The following LRFN5 variants were observed in gnomAD, a reference collection of about 807,000 sequenced individuals.
LRFN5 encodes the protein leucine rich repeat and fibronectin type III domain containing 5.
A neutral mutation model predicts 45.6 loss-of-function variants in LRFN5; 24 were observed. The observed-to-expected ratio is 0.53, with a 90% CI of 0.38 to 0.74. The LOEUF (loss-of-function observed/expected upper bound fraction) is 0.74. Ranked by LOEUF, LRFN5 falls within the 30% of genes least tolerant of loss-of-function variation. LRFN5 has a pLI of 0.00. For missense variants in LRFN5, 776 were observed against 861.5 expected, an observed-to-expected ratio of 0.90 and a Z score of 1.24; for synonymous variants, 340 against 313.8, an observed-to-expected ratio of 1.08 and a Z score of -0.88.
chr14:41,777,456 C>T (rs1886331683), intron 2 of LRFN5, among the ~76,000 whole-genome samples: 1 of 151,566 alleles, frequency 6.6e-6, no homozygotes, highest in African/African-American at 2.4e-5. Flanking sequence ...TACATTTTTA[C>T]ATTGATTTGT....
Position 41,894,992 on chromosome 14 carries a change from C to T in LRFN5, c.2098+3030C>T, listed in dbSNP as rs181591886. ...TACATATATATTATTTTTGCTTCCT[C>T]GTTCTTATTTTTCTTTTATTTTTGT... On this transcript the variant is annotated intron_variant, in intron 4 of 5. Transcript: ENST00000298119. The T allele has an allele frequency of 1.7e-4, 171 of 978,628 alleles. No individual in the cohort carries two copies. In the African/African-American group the frequency reaches 2.5e-3, roughly 14 times the overall value. 60.6% of individuals were successfully genotyped at this position (978,628 alleles called of 1,614,324 possible).
At chr14:41,779,407 T>G (rs911321796) in intron 2 of LRFN5, among the ~76,000 whole-genome samples, 1 of 151,864 alleles carries the variant, frequency 6.6e-6, no homozygotes, top group African/African-American at 2.4e-5. Context: ...GGATCTATGT[T>G]AAAGAGAGCA....
intron 2 of LRFN5, among the ~76,000 whole-genome samples, chr14:41,880,780 G>A (rs905821176): frequency 4.6e-5 from 7 of 151,896 alleles, no homozygotes; most frequent in Admixed American, 2.0e-4. Context: ...TTTTCCTATC[G>A]TGTCATTTCA....
intron 1 of LRFN5, among the ~76,000 whole-genome samples, chr14:41,664,682 A>G (rs1417936330): frequency 6.6e-6 from 1 of 152,048 alleles, no homozygotes; most frequent in Non-Finnish European, 1.5e-5. Context: ...TGAAAAATAA[A>G]TAAAATTTCC....
chr14:41,738,554 A>T (rs1037615910), intron 1 of LRFN5, among the ~76,000 whole-genome samples: 2 of 152,162 alleles, frequency 1.3e-5, no homozygotes, highest in Admixed American at 1.3e-4. Context: ...TCTTTGTCAG[A>T]AGTTGTTTTC....
chr14:41,713,866 G>C (rs1330024184), intron 1 of LRFN5, among the ~76,000 whole-genome samples: 1 of 152,032 alleles, frequency 6.6e-6, no homozygotes, highest in South Asian at 2.1e-4. Context: ...TCAGTTGTAG[G>C]AATGTAATAA....
At chr14:41,688,849 A>AT (rs1195545357) in intron 1 of LRFN5, among the ~76,000 whole-genome samples, 8 of 150,284 alleles carry the variant, frequency 5.3e-5, no homozygotes, top group Non-Finnish European at 1.0e-4. Context: ...AGGCAGAAGG[A>AT]TCTCTTGAGG....
rs185095215 is a variant in LRFN5 at position 41,693,043 on chromosome 14, A to G, written c.-196-73811A>G. 1.7e-4 allele frequency among the ~76,000 whole-genome samples: 26 copies of G among 152,174 alleles called. No homozygotes were observed. The East Asian group carries it at 4.2e-3, about 25-fold the overall frequency. On this transcript the variant is annotated intron_variant, in intron 1 of 5. Transcript: ENST00000298119. ...TAACTTTGTTAAGTATCAATTAACT[A>G]TATGTGTGTGCATTTATTTGTGGAC... is the stretch of plus-strand genomic sequence containing the variant.
At chr14:41,758,417 A>G (rs1176285831) in intron 1 of LRFN5, among the ~76,000 whole-genome samples, 3 of 152,178 alleles carry the variant, frequency 2.0e-5, no homozygotes, top group Admixed American at 1.3e-4. Context: ...CCTTGCCTGT[A>G]CTTTAATAGT....
intron 1 of LRFN5, among the ~76,000 whole-genome samples, chr14:41,684,428 A>G (rs974198919): frequency 6.6e-6 from 1 of 152,176 alleles, no homozygotes; most frequent in African/African-American, 2.4e-5. Context: ...CCTTCTTTAT[A>G]AGGCAGCAGG....
chr14:41,735,525 GCCCC>G (rs970630519), intron 1 of LRFN5, among the ~76,000 whole-genome samples: 2 of 152,060 alleles, frequency 1.3e-5, no homozygotes, highest in African/African-American at 4.8e-5. Context: ...TTCTGCGTCA[GCCCC>G]CCCACGTGCT....
intron 2 of LRFN5, among the ~76,000 whole-genome samples, chr14:41,872,208 T>A (rs945244423): frequency 6.6e-6 from 1 of 152,242 alleles, no homozygotes; most frequent in African/African-American, 2.4e-5. Context: ...AACTTCTCAA[T>A]TAGTAGATAA....
chr14:41,832,705 C>T (rs767669432), intron 2 of LRFN5, among the ~76,000 whole-genome samples: 1 of 152,154 alleles, frequency 6.6e-6, no homozygotes, highest in South Asian at 2.1e-4. Flanking sequence ...CTGGACCTCT[C>T]ACATACTGTA....
chr14:41,761,793 G>A (rs533797981), intron 1 of LRFN5, among the ~76,000 whole-genome samples: 4 of 151,994 alleles, frequency 2.6e-5, no homozygotes, highest in Non-Finnish European at 4.4e-5. Flanking sequence ...TATTATTTTG[G>A]ATTATTTTGA....
At chr14:41,708,442 T>A (rs1883152740) in intron 1 of LRFN5, among the ~76,000 whole-genome samples, 1 of 152,010 alleles carries the variant, frequency 6.6e-6, no homozygotes, top group South Asian at 2.1e-4. Context: ...CCTGTGATAC[T>A]ATTATCAGGC....
intron 1 of LRFN5, chr14:41,699,871 C>T (rs1433420145): frequency 6.6e-6 from 1 of 151,980 alleles, no homozygotes; most frequent in Non-Finnish European, 1.5e-5. Context: ...GAGAAAAAGA[C>T]CATTTTTTCT....
intron 1 of LRFN5, among the ~76,000 whole-genome samples, chr14:41,707,393 A>G (rs1338241181): frequency 6.6e-6 from 1 of 152,156 alleles, no homozygotes; most frequent in East Asian, 1.9e-4. Context: ...GAATATGATA[A>G]TATCATGTTT....
chr14:41,725,446 C>G (rs61990345), intron 1 of LRFN5, among the ~76,000 whole-genome samples: 1 of 152,062 alleles, frequency 6.6e-6, no homozygotes, highest in Non-Finnish European at 1.5e-5. Flanking sequence ...AGAGAGATAT[C>G]TTCTTGTCTC....
chr14:41,820,079 G>T (rs759966153), intron 2 of LRFN5, among the ~76,000 whole-genome samples: 2 of 151,752 alleles, frequency 1.3e-5, no homozygotes, highest in African/African-American at 4.8e-5. Flanking sequence ...GTCTGATACT[G>T]TTGATTGTGT....
Sources: gnomAD v4.1 joint callset for allele counts (sites outside exome capture counted in the v4.1 genomes callset) on GRCh38, gnomAD v4.1.1 for gene constraint, MANE v1.5 for transcripts, NCBI Gene and HGNC (gene_info 2026-07-23, HGNC 2026-07-21) for gene names.